Variants in GRID2 observed in about 807,000 individuals in gnomAD.
The protein encoded by GRID2 is glutamate receptor ionotropic, delta-2.
Under a neutral mutation model 114.8 loss-of-function variants are expected in GRID2, and 33 were observed. That is an observed-to-expected ratio of 0.29 (90% CI 0.22 to 0.38). GRID2 has a LOEUF of 0.38. Among genes scored for constraint, GRID2 ranks in the 10% least tolerant of loss-of-function variants. The probability of loss-of-function intolerance (pLI) is 1.00; values close to 1 mark genes in which losing one functional copy is unlikely to be tolerated. For synonymous variants in GRID2, 505 were observed against 449.9 expected (o/e 1.12, Z -1.55); for missense variants, 1,184 against 1,257.7 (o/e 0.94, Z 0.89).
chr4:92,922,875 G>C (rs564137959), intron 2 of GRID2, among the ~76,000 whole-genome samples: 1 of 152,272 alleles, frequency 6.6e-6, no homozygotes, highest in South Asian at 2.1e-4. Context: ...CGTTAGAATA[G>C]GGCTTACTTG....
Position 92,931,314 on chromosome 4 carries a change from G to T in GRID2, c.245-153681G>T, listed in dbSNP as rs1031131604. 9.3e-5 allele frequency among the ~76,000 whole-genome samples: 14 copies of T among 150,722 alleles called. No homozygotes were observed. The Admixed American group carries it at 9.3e-4, about 10-fold the overall frequency. On this transcript the variant is annotated intron_variant, in intron 2 of 15. Coordinates refer to ENST00000282020, the MANE Select transcript of GRID2 (RefSeq NM_001510.4). ...TTTATGTTTTAAAAAGGTAAGACTG[G>T]AAGAGAACTTCCACACTTTTCTGAA...
chr4:92,976,325 G>A (rs553471065), intron 2 of GRID2, among the ~76,000 whole-genome samples: 11 of 151,994 alleles, frequency 7.2e-5, no homozygotes, highest in South Asian at 4.2e-4. Flanking sequence ...AATCATTTTC[G>A]TAGTGAATAT....
At chr4:93,659,319 G>C (rs897983023) in intron 14 of GRID2, among the ~76,000 whole-genome samples, 1 of 152,200 alleles carries the variant, frequency 6.6e-6, no homozygotes, top group Non-Finnish European at 1.5e-5. Flanking sequence ...ATATGGACCA[G>C]ATGAATACTG....
chr4:92,584,783 G>GA (rs1017335701), intron 1 of GRID2, among the ~76,000 whole-genome samples: 2 of 151,892 alleles, frequency 1.3e-5, no homozygotes, highest in Admixed American at 6.6e-5. Context: ...TGCTTAAAGT[G>GA]AAAAAAGCAT....
chr4:92,766,626 T>A (rs923856968), intron 2 of GRID2, among the ~76,000 whole-genome samples: 1 of 151,008 alleles, frequency 6.6e-6, no homozygotes, highest in African/African-American at 2.4e-5. Flanking sequence ...TTGTAGAATA[T>A]AAGACTAGAC....
chr4:93,560,712 T>C (rs1024255791), intron 13 of GRID2, among the ~76,000 whole-genome samples: 6 of 152,112 alleles, frequency 3.9e-5, no homozygotes, highest in Admixed American at 1.3e-4. Flanking sequence ...ATTCCTGGCC[T>C]CAAGCAGTCC....
chr4:93,770,335 C>G (rs1372327771), intron 15 of GRID2, among the ~76,000 whole-genome samples: 5 of 152,200 alleles, frequency 3.3e-5, no homozygotes, highest in Non-Finnish European at 7.4e-5. Context: ...TTTAAAGTTT[C>G]TATAACTAGA....
chr4:92,775,425 C>CT (rs1738746064), intron 2 of GRID2, among the ~76,000 whole-genome samples: 1 of 152,108 alleles, frequency 6.6e-6, no homozygotes, highest in African/African-American at 2.4e-5. Context: ...GATCAGTCAT[C>CT]TCTAAATAAG....
intron 13 of GRID2, among the ~76,000 whole-genome samples, chr4:93,564,079 G>A (rs750895607): frequency 3.3e-5 from 5 of 151,728 alleles, no homozygotes; most frequent in Non-Finnish European, 7.4e-5. Context: ...TAGAAACTTG[G>A]CCTCCTCAGT....
chr4:92,606,744 C>T (rs1729471723), intron 2 of GRID2, among the ~76,000 whole-genome samples: 1 of 151,860 alleles, frequency 6.6e-6, no homozygotes, highest in South Asian at 2.1e-4. Context: ...CCTAAATTAT[C>T]CTATTTTGAG....
chr4:93,583,079 C>T (rs989615000), intron 13 of GRID2, among the ~76,000 whole-genome samples: 19 of 152,178 alleles, frequency 1.2e-4, no homozygotes, highest in Non-Finnish European at 5.9e-5. Context: ...TCTCTGCCTC[C>T]ATCTTTACAT....
intron 2 of GRID2, among the ~76,000 whole-genome samples, chr4:92,845,810 T>C (rs1743273213): frequency 6.6e-6 from 1 of 152,162 alleles, no homozygotes; most frequent in Non-Finnish European, 1.5e-5. Context: ...GTTTCACATA[T>C]ACAAGCTTTG....
rs1398081855 is a variant in GRID2, at chr4:93,339,074, C to T, written c.1246-56533C>T. 3.9e-5 allele frequency among the ~76,000 whole-genome samples: 6 copies of T among 152,242 alleles called. 1 individual carries two copies. In the South Asian group the frequency reaches 1.2e-3, roughly 32 times the overall value. ...GTGAGGGTCTGAGGCCTTCTGCCAA[C>T]AAACAGAGCTCCTACCTATTCTGGA... On this transcript the variant is annotated intron_variant, in intron 8 of 15. Transcript: ENST00000282020.
intron 13 of GRID2, among the ~76,000 whole-genome samples, chr4:93,611,863 G>T (rs573300169): frequency 6.6e-6 from 1 of 151,680 alleles, no homozygotes; most frequent in Non-Finnish European, 1.5e-5. Context: ...CAATTCCTGG[G>T]TATCCTTGTT....
intron 3 of GRID2, among the ~76,000 whole-genome samples, chr4:93,096,946 T>A (rs1325809836): frequency 6.6e-6 from 1 of 152,002 alleles, no homozygotes; most frequent in Non-Finnish European, 1.5e-5. Context: ...TTAATTTTCA[T>A]ACAGTAGAAT....
intron 2 of GRID2, among the ~76,000 whole-genome samples, chr4:92,943,733 ATGG>A (rs982821424): frequency 6.6e-6 from 1 of 152,004 alleles, no homozygotes; most frequent in Non-Finnish European, 1.5e-5. Flanking sequence ...GTCTTTGATG[ATGG>A]TGACGTACAG....
chr4:93,795,658 G>A (rs1734781699), intron 1 of GRID2, among the ~76,000 whole-genome samples: 1 of 152,046 alleles, frequency 6.6e-6, no homozygotes, highest in African/African-American at 2.4e-5. Flanking sequence ...GTAAACAGGT[G>A]AGCAAGTATA....
chr4:92,625,524 G>A (rs1161293165), intron 2 of GRID2, among the ~76,000 whole-genome samples: 1 of 151,790 alleles, frequency 6.6e-6, no homozygotes. Context: ...CTATGAGATA[G>A]TAATACACAG....
chr4:92,739,916 T>C (rs1736788586), intron 2 of GRID2, among the ~76,000 whole-genome samples: 1 of 152,152 alleles, frequency 6.6e-6, no homozygotes, highest in Non-Finnish European at 1.5e-5. Context: ...CAATTAAGTA[T>C]AAAATTACCT....
Sources: allele counts gnomAD v4.1 joint callset (sites outside exome capture counted in the v4.1 genomes callset), GRCh38; gene constraint gnomAD v4.1.1; transcripts MANE v1.5; gene names NCBI Gene and HGNC (gene_info 2026-07-23, HGNC 2026-07-21).